The following VPS8 variants were observed in gnomAD, a reference collection of about 807,000 sequenced individuals.
VPS8 encodes the protein VPS8 subunit of CORVET complex.
In VPS8, 129 loss-of-function variants were observed where a neutral mutation model predicts 216.4. The ratio of observed to expected loss-of-function variants is 0.60; its 90% CI spans 0.52 to 0.69. VPS8 has a LOEUF of 0.69. Among genes scored for constraint, VPS8 ranks in the 30% least tolerant of loss-of-function variants. VPS8 has a pLI of 0.00. For missense variants in VPS8, 1,531 were observed against 1,683.5 expected (o/e 0.91, Z 1.59); for synonymous variants, 571 against 565.4 (o/e 1.01, Z -0.14).
intron 37 of VPS8, among the ~76,000 whole-genome samples, chr3:184,960,983 G>A (rs1395344696): frequency 6.6e-6 from 1 of 152,142 alleles, no homozygotes; most frequent in Admixed American, 6.5e-5. Flanking sequence ...AGTAAAGTCA[G>A]CTTTATAGAA....
chr3:184,968,319 A>G (rs1050613554), intron 39 of VPS8, among the ~76,000 whole-genome samples: 8 of 152,258 alleles, frequency 5.3e-5, no homozygotes, highest in South Asian at 4.1e-4. Context: ...CTTTTTGTCT[A>G]TTATGACTAA....
chr3:185,015,857 G>A lies in VPS8; in HGVS notation c.4003-8479G>A, dbSNP rs535250674. Among the ~76,000 whole-genome samples the A allele has an allele frequency of 3.9e-5, 6 of 152,246 alleles. No individual in the cohort carries two copies. The South Asian group carries it at 1.0e-3, about 26-fold the overall frequency. On this transcript the variant is annotated intron_variant, in intron 45 of 47. Coordinates refer to ENST00000625842, the MANE Select transcript of VPS8 (RefSeq NM_001009921.3). The stretch of plus-strand genomic sequence containing the variant: ...ATAGTAGCAATTTGATCCAAATAAG[G>A]AGTTAGTCCGTGAATTAGTATGTGG...
intron 7 of VPS8, 98 bp downstream of exon 7, chr3:184,839,850 T>A: frequency 6.8e-7 from 1 of 1,463,170 alleles, no homozygotes; most frequent in Non-Finnish European, 9.0e-7. Flanking sequence ...CTTGATTTTC[T>A]TGAACAAAAC....
At position 184,915,617 on chromosome 3, in the gene VPS8, T is replaced by C. The variant is rs553117187; in HGVS notation, c.2382+143T>C. 1.7e-5 allele frequency: 14 copies of C among 807,946 alleles called. No homozygotes were observed. The African/African-American group carries it at 2.3e-4, about 13-fold the overall frequency. 50.0% of individuals were successfully genotyped at this position (807,946 alleles called of 1,614,324 possible). On this transcript the variant is annotated intron_variant, in intron 28 of 47. Transcript: ENST00000625842. ...TGAGGTCAGGAGTTCCAGACCAGCC[T>C]GGTCAACATGGCAAAACCCCATCTC...
chr3:184,937,353 T>C lies in VPS8; in HGVS notation c.2988+1018T>C, dbSNP rs553065124. Among the ~76,000 whole-genome samples, 5 of 152,264 alleles carry C rather than the reference T, an allele frequency of 3.3e-5. No homozygotes were observed. The South Asian group carries it at 1.0e-3, about 32-fold the overall frequency. On this transcript the variant is annotated intron_variant, in intron 35 of 47. Coordinates refer to ENST00000625842, the MANE Select transcript of VPS8 (RefSeq NM_001009921.3). ...GACATTAATAGTGGTTGGGAATAGC[T>C]GTGCAAGAAGGAAATCAGAGCAGTG...
chr3:184,844,418 CA>C (rs917335620), intron 8 of VPS8, among the ~76,000 whole-genome samples: 1 of 148,924 alleles, frequency 6.7e-6, no homozygotes, highest in African/African-American at 2.5e-5. Context: ...GAGACTCTGT[CA>C]AAAAAAATAA....
chr3:185,016,494 C>CT (rs1416633750), intron 45 of VPS8, among the ~76,000 whole-genome samples: 22 of 152,212 alleles, frequency 1.4e-4, no homozygotes, highest in African/African-American at 5.1e-4. Context: ...TGTAGCAACA[C>CT]TTTCCAATGA....
intron 33 of VPS8, 73 bp downstream of exon 33, chr3:184,929,737 G>C: frequency 1.1e-6 from 1 of 906,020 alleles, no homozygotes; most frequent in Non-Finnish European, 1.6e-6. Flanking sequence ...TAACTGTTGA[G>C]TAGAAATATT....
chr3:184,836,255 T>TA, intron 5 of VPS8: 1 of 456,452 alleles, frequency 2.2e-6, no homozygotes, highest in Middle Eastern at 3.3e-4. Context: ...AGGTGGAGAG[T>TA]AACTCATATT....
At chr3:185,004,588 C>T (rs995694703) in intron 45 of VPS8, among the ~76,000 whole-genome samples, 13 of 152,192 alleles carry the variant, frequency 8.5e-5, no homozygotes, top group East Asian at 3.9e-4. Context: ...TGTCTTATTG[C>T]GGTTTCAATT....
intron 19 of VPS8, 55 bp downstream of exon 19, chr3:184,869,091 T>C (rs770638054): frequency 6.7e-7 from 1 of 1,501,088 alleles, no homozygotes; most frequent in African/African-American, 1.4e-5. Context: ...GTAGAGGGAA[T>C]GGTTAGTACT....
At chr3:184,828,402 G>A (rs1439661419) in intron 3 of VPS8, among the ~76,000 whole-genome samples, 2 of 152,090 alleles carry the variant, frequency 1.3e-5, no homozygotes, top group African/African-American at 4.8e-5. Flanking sequence ...GCCTCCCAAA[G>A]TTCTGGGATT....
At position 185,052,216 on chromosome 3, in the gene VPS8, G is replaced by T. The variant is rs1347740200; in HGVS notation, c.*191G>T. The T allele has an allele frequency of 3.7e-6, 2 of 538,586 alleles. No homozygotes were observed. Among genetic ancestry groups the T allele is most frequent in the Non-Finnish European group, 3.1e-6 (1 of 318,512 alleles). 33.4% of individuals were successfully genotyped at this position (538,586 alleles called of 1,614,324 possible). A position where few individuals can be genotyped will look rare whatever the true frequency, so the allele number is the denominator to read the frequency against. On this transcript the variant is annotated 3_prime_UTR_variant, in exon 48 of 48. Transcript: ENST00000625842. ...GACTCCCAGTCTTCTCCACATTGCT[G>T]TCATGGCGTCAGTTCACCAGACTCA...
chr3:184,929,829 T>C (rs554862807), intron 33 of VPS8, among the ~76,000 whole-genome samples, 165 bp downstream of exon 33: 2 of 152,252 alleles, frequency 1.3e-5, no homozygotes, highest in South Asian at 2.1e-4. Context: ...AATTTAGTGA[T>C]GGAAACTGAC....
At chr3:184,847,374 ATTTACT>A (rs1723333156) in intron 8 of VPS8, among the ~76,000 whole-genome samples, 1 of 152,188 alleles carries the variant, frequency 6.6e-6, no homozygotes, top group South Asian at 2.1e-4. Flanking sequence ...TGATAACTAG[ATTTACT>A]TTTATAGAAG....
At chr3:184,868,822 A>G in intron 18 of VPS8, 124 bp from the exon 19 acceptor site, 2 of 729,140 alleles carry the variant, frequency 2.7e-6, no homozygotes, top group Middle Eastern at 3.4e-4. Flanking sequence ...AGATATTCAC[A>G]TAATTATTAA....
chr3:184,959,195 T>A (rs977875429), intron 37 of VPS8, among the ~76,000 whole-genome samples: 2 of 152,176 alleles, frequency 1.3e-5, no homozygotes, highest in African/African-American at 2.4e-5. Context: ...AGGAACCCTG[T>A]AAGCACACCA....
chr3:184,867,298 A>G (rs886776363), intron 17 of VPS8, among the ~76,000 whole-genome samples: 1 of 152,204 alleles, frequency 6.6e-6, no homozygotes. Context: ...AGATCAGCTT[A>G]GGATGCTGAT....
At chr3:184,824,910 T>TTC in intron 2 of VPS8, 125 bp downstream of exon 2, 1 of 905,756 alleles carries the variant, frequency 1.1e-6, no homozygotes, top group East Asian at 2.7e-5. Flanking sequence ...GTATAATTTT[T>TTC]TTTTTTTTTT....
Sources: allele counts gnomAD v4.1 joint callset (sites outside exome capture counted in the v4.1 genomes callset), GRCh38; gene constraint gnomAD v4.1.1; transcripts MANE v1.5; gene names NCBI Gene and HGNC (gene_info 2026-07-23, HGNC 2026-07-21).